The following MYH7B variants were observed in gnomAD, a reference collection of about 807,000 sequenced individuals.
MYH7B encodes the protein myosin heavy chain 7B, also known as myosin-7B.
Under a neutral mutation model 234.5 loss-of-function variants are expected in MYH7B, and 205 were observed. That is an observed-to-expected ratio of 0.87 (90% CI 0.78 to 0.98). The LOEUF (loss-of-function observed/expected upper bound fraction) is 0.98, where lower values mean the gene tolerates loss of function less well. Ranked by LOEUF, MYH7B falls within the 50% of genes least tolerant of loss-of-function variation. The probability of loss-of-function intolerance (pLI) is 0.00; values close to 1 mark genes in which losing one functional copy is unlikely to be tolerated. For synonymous variants in MYH7B, 1,193 were observed against 1,105.0 expected (o/e 1.08, Z -1.58); for missense variants, 2,652 against 2,633.4 (o/e 1.01, Z -0.15).
chr20:34,969,997 G>A (rs1052371573), intron 2 of MYH7B, among the ~76,000 whole-genome samples: 21 of 152,132 alleles, frequency 1.4e-4, no homozygotes, highest in Admixed American at 3.9e-4. Flanking sequence ...GGTCCTGTTT[G>A]TGAATCTCCA....
chr20:34,987,099 C>T (rs181927132), intron 15 of MYH7B, 50 bp from the exon 16 acceptor site: 3 of 1,610,722 alleles, frequency 1.9e-6, no homozygotes, highest in Non-Finnish European at 2.5e-6. Flanking sequence ...CTGGCTGGAC[C>T]CTGGAGGAGC....
At chr20:34,989,694 G>A (rs2082102586) in intron 19 of MYH7B, 46 bp from the exon 20 acceptor site, 2 of 1,584,278 alleles carry the variant, frequency 1.3e-6, no homozygotes, top group Non-Finnish European at 1.7e-6. Flanking sequence ...GTCCTTCCAG[G>A]ATGGACTGGC....
chr20:34,980,119 G>A, intron 7 of MYH7B: 1 of 442,104 alleles, frequency 2.3e-6, no homozygotes, highest in Non-Finnish European at 4.2e-6. Context: ...GTGAGCACAA[G>A]TCAGGGGTGA....
exon 29 of MYH7B, chr20:34,996,488 A>C (rs766281950): frequency 6.2e-7 from 1 of 1,612,152 alleles, no homozygotes; most frequent in African/African-American, 1.3e-5. Flanking sequence ...GCGCTGACCA[A>C]GGCCAAGCTC....
At chr20:34,974,337 T>C (rs983258406) in intron 2 of MYH7B, among the ~76,000 whole-genome samples, 1 of 150,398 alleles carries the variant, frequency 6.6e-6, no homozygotes, top group African/African-American at 2.5e-5. Context: ...CCGAAAGTGC[T>C]GGGATTACAA....
exon 5 of MYH7B, chr20:34,978,068 G>A (rs1396861216): frequency 1.2e-6 from 2 of 1,613,996 alleles, no homozygotes; most frequent in Admixed American, 3.3e-5. Context: ...ACCAGGAGAT[G>A]ACGAAGGTGC....
chr20:34,979,918 C>A, intron 7 of MYH7B, 114 bp downstream of exon 7: 3 of 1,026,356 alleles, frequency 2.9e-6, no homozygotes, highest in South Asian at 1.8e-5. Flanking sequence ...AGCGGTGGAT[C>A]GGGGCTGTGA....
At chr20:34,996,878 G>A (rs2082269652) in intron 30 of MYH7B, 120 bp downstream of exon 30, 9 of 1,419,036 alleles carry the variant, frequency 6.3e-6, no homozygotes, top group Admixed American at 4.6e-5. Context: ...TGACAGATGG[G>A]GCACTGGGGT....
At chr20:34,986,312 C>A (rs1487179756) in intron 14 of MYH7B, 114 bp downstream of exon 14, 6 of 776,450 alleles carry the variant, frequency 7.7e-6, no homozygotes, top group South Asian at 1.6e-5. Context: ...GTCCTGGGGT[C>A]TGTGGCCTCT....
chr20:34,979,842 T>C, intron 7 of MYH7B, 38 bp downstream of exon 7: 1 of 1,596,338 alleles, frequency 6.3e-7, no homozygotes, highest in Non-Finnish European at 8.5e-7. Context: ...GGGTGGGGCT[T>C]GTATGTGGGG....
At chr20:34,973,915 T>C (rs1364518395) in intron 2 of MYH7B, among the ~76,000 whole-genome samples, 2 of 149,636 alleles carry the variant, frequency 1.3e-5, no homozygotes, top group Admixed American at 6.8e-5. Context: ...CACGCCACCA[T>C]GCCTGGCTAA....
chr20:34,997,930 G>C (rs2082294647), intron 32 of MYH7B, among the ~76,000 whole-genome samples: 1 of 152,064 alleles, frequency 6.6e-6, no homozygotes, highest in Non-Finnish European at 1.5e-5. Context: ...CCTGAACTCT[G>C]ACTTAATACC....
At chr20:34,968,820 G>A (rs944963701) in intron 2 of MYH7B, among the ~76,000 whole-genome samples, 4 of 152,188 alleles carry the variant, frequency 2.6e-5, no homozygotes, top group African/African-American at 9.7e-5. Context: ...ACGTAGCGTA[G>A]AGGATGGAGC....
At chr20:34,985,700 TGAGCGC>T (rs2082007780) in intron 13 of MYH7B, among the ~76,000 whole-genome samples, 1 of 152,084 alleles carries the variant, frequency 6.6e-6, no homozygotes, top group African/African-American at 2.4e-5. Context: ...TCTTGACGGA[TGAGCGC>T]AGGCAGGCAG....
At chr20:34,985,357 T>G (rs2147189397) in intron 13 of MYH7B, among the ~76,000 whole-genome samples, 1 of 152,202 alleles carries the variant, frequency 6.6e-6, no homozygotes, top group South Asian at 2.1e-4. Context: ...TTGCTGGTCA[T>G]ATCCTGTTCC....
At chr20:34,979,307 G>A (rs891361483) in intron 5 of MYH7B, 83 bp from the exon 6 acceptor site, 1 of 1,089,876 alleles carries the variant, frequency 9.2e-7, no homozygotes, top group Non-Finnish European at 1.3e-6. Flanking sequence ...ACAGCTGTAT[G>A]GATACCATGG....
chr20:34,998,953 C>T, intron 35 of MYH7B, 38 bp downstream of exon 35: 1 of 1,597,284 alleles, frequency 6.3e-7, no homozygotes, highest in African/African-American at 1.3e-5. Context: ...CCATGCAGAG[C>T]TTTATGCCTG....
At chr20:34,957,134 G>A (rs1188941634) in intron 1 of MYH7B, among the ~76,000 whole-genome samples, 1 of 152,210 alleles carries the variant, frequency 6.6e-6, no homozygotes. Flanking sequence ...GGAGTTTGGT[G>A]TGGATAATGA....
At position 35,001,525 on chromosome 20, in the gene MYH7B, C is replaced by T. The variant is rs61746160; in HGVS notation, c.5675C>T (p.Ala1892Val). 1,989 of 1,603,744 alleles carry T rather than the reference C, an allele frequency of 1.2e-3. 25 individuals carry two copies. In the African/African-American group the frequency reaches 0.024, roughly 19 times the overall value. ...AGCTACAAGCGCCAGTTTGAGGAGGCGGTGAGTGCGCTGGGGCCTGGACAC... is the reference window on the plus strand; with the variant it reads ...AGCTACAAGCGCCAGTTTGAGGAGGTGGTGAGTGCGCTGGGGCCTGGACAC... The change falls in exon 43 of 45, where the codon GCG becomes GTG. Residue 1892 changes from alanine (A) to valine (V), a missense_variant and splice_region_variant. Physicochemically the swap from Ala to Val is moderately conservative, Grantham distance 64. Transcript: ENST00000262873.
Sources: allele counts gnomAD v4.1 joint callset (sites outside exome capture counted in the v4.1 genomes callset), GRCh38; gene constraint gnomAD v4.1.1; transcripts MANE v1.5; gene names NCBI Gene and HGNC (gene_info 2026-07-23, HGNC 2026-07-21).